Variants in RIMS2 observed in about 807,000 individuals in gnomAD.
The protein encoded by RIMS2 is regulating synaptic membrane exocytosis 2, also known as regulating synaptic membrane exocytosis protein 2.
RIMS2 carries 59 observed loss-of-function variants against 174.4 expected under a neutral mutation model. The ratio of observed to expected loss-of-function variants is 0.34; its 90% CI spans 0.27 to 0.42. The LOEUF (loss-of-function observed/expected upper bound fraction) is 0.42, where lower values mean the gene tolerates loss of function less well. Ranked by LOEUF, RIMS2 falls within the 10% of genes least tolerant of loss-of-function variation. The pLI, the probability that RIMS2 is intolerant of heterozygous loss-of-function variation, is 1.00. For missense variants in RIMS2, 1,620 were observed against 1,666.3 expected, an observed-to-expected ratio of 0.97 and a Z score of 0.48; for synonymous variants, 606 against 572.5, an observed-to-expected ratio of 1.06 and a Z score of -0.84.
rs536778017 is a variant in RIMS2, at chr8:103,852,827, C to A, written c.699-32471C>A. On this transcript the variant is annotated intron_variant, in intron 3 of 23. Coordinates refer to ENST00000504942, the Ensembl canonical transcript of RIMS2. ...TGTCATTGATAGGCAATGGTTGATTCTCTGTCTTTGCTCTTGTGAACAGCA... is the reference window on the plus strand; with the variant it reads ...TGTCATTGATAGGCAATGGTTGATTATCTGTCTTTGCTCTTGTGAACAGCA... Among the ~76,000 whole-genome samples, 6 of 152,084 alleles carry A rather than the reference C, an allele frequency of 3.9e-5. 1 individual carries two copies. Among genetic ancestry groups the A allele is most frequent in the African/African-American group, 1.4e-4 (6 of 41,496 alleles).
chr8:103,568,122 A>T (rs989303741), intron 1 of RIMS2, among the ~76,000 whole-genome samples: 23 of 152,006 alleles, frequency 1.5e-4, no homozygotes, highest in Non-Finnish European at 2.6e-4. Flanking sequence ...ATAAATAAAT[A>T]AAAGTAAATG....
chr8:103,512,833 A>G (rs1827196512), intron 1 of RIMS2, among the ~76,000 whole-genome samples: 1 of 152,190 alleles, frequency 6.6e-6, no homozygotes, highest in Non-Finnish European at 1.5e-5. Flanking sequence ...GAAAAATAGT[A>G]TCAACATACA....
intron 1 of RIMS2, among the ~76,000 whole-genome samples, chr8:103,610,072 C>A (rs1420835554): frequency 1.3e-5 from 2 of 152,082 alleles, no homozygotes; most frequent in Non-Finnish European, 2.9e-5. Context: ...TATTCCTAGG[C>A]ATTTTCTTCA....
chr8:104,037,131 TG>T (rs2096534037), intron 19 of RIMS2, among the ~76,000 whole-genome samples: 1 of 152,176 alleles, frequency 6.6e-6, no homozygotes, highest in African/African-American at 2.4e-5. Flanking sequence ...TGTTCTAGTT[TG>T]TCATCTGTAA....
intron 3 of RIMS2, among the ~76,000 whole-genome samples, chr8:103,856,032 G>C (rs2099025795): frequency 6.6e-6 from 1 of 152,060 alleles, no homozygotes; most frequent in Admixed American, 6.6e-5. Flanking sequence ...ATGAATCTGG[G>C]TGCTCCAAAA....
intron 1 of RIMS2, among the ~76,000 whole-genome samples, chr8:103,602,120 G>A (rs568795371): frequency 4.6e-5 from 7 of 152,062 alleles, no homozygotes; most frequent in South Asian, 2.1e-4. Flanking sequence ...TGAGTAGCTG[G>A]GACTACAGGT....
chr8:104,103,034 G>A (rs2097937496), intron 19 of RIMS2, among the ~76,000 whole-genome samples: 1 of 152,094 alleles, frequency 6.6e-6, no homozygotes, highest in South Asian at 2.1e-4. Context: ...TCCATACAAT[G>A]GAATATTATT....
intron 19 of RIMS2, among the ~76,000 whole-genome samples, chr8:104,086,234 TA>T (rs1249637526): frequency 1.3e-5 from 2 of 149,596 alleles, no homozygotes; most frequent in African/African-American, 4.9e-5. Flanking sequence ...ACTGGTAAAT[TA>T]GGATGTTATT....
chr8:103,750,264 A>C (rs1292859159), intron 2 of RIMS2, among the ~76,000 whole-genome samples: 1 of 152,162 alleles, frequency 6.6e-6, no homozygotes, highest in Non-Finnish European at 1.5e-5. Context: ...ATTCCCCATT[A>C]CAAAATGTGG....
exon 21 of RIMS2, chr8:104,248,734 T>G (rs771789805): frequency 6.2e-7 from 1 of 1,612,812 alleles, no homozygotes; most frequent in Non-Finnish European, 8.5e-7. Context: ...TGGCCTCTGA[T>G]AGCCAGTTCA....
chr8:103,879,547 A>G (rs1341633078), intron 3 of RIMS2, among the ~76,000 whole-genome samples: 1 of 151,472 alleles, frequency 6.6e-6, no homozygotes, highest in Non-Finnish European at 1.5e-5. Context: ...ACCAGTCTTT[A>G]TTAGAAATCT....
At chr8:104,010,477 T>C (rs2095721619) in intron 17 of RIMS2, among the ~76,000 whole-genome samples, 1 of 152,118 alleles carries the variant, frequency 6.6e-6, no homozygotes, top group South Asian at 2.1e-4. Flanking sequence ...AATAATGTGC[T>C]TTTAAGACTG....
chr8:103,822,253 A>T (rs893313850), intron 3 of RIMS2, among the ~76,000 whole-genome samples: 1 of 151,712 alleles, frequency 6.6e-6, no homozygotes, highest in Non-Finnish European at 1.5e-5. Flanking sequence ...CTTATCCCCA[A>T]ATCTGCAACT....
intron 3 of RIMS2, among the ~76,000 whole-genome samples, chr8:103,853,058 C>T (rs2099007952): frequency 6.6e-6 from 1 of 151,796 alleles, no homozygotes. Context: ...CACAGTCTCA[C>T]CAAAAAAATC....
intron 19 of RIMS2, among the ~76,000 whole-genome samples, chr8:104,195,849 T>C (rs1364263261): frequency 6.6e-6 from 1 of 152,138 alleles, no homozygotes. Flanking sequence ...CTGGGCCCAA[T>C]AATTAAATTG....
At chr8:104,053,136 A>G (rs1166097948) in intron 19 of RIMS2, among the ~76,000 whole-genome samples, 1 of 152,230 alleles carries the variant, frequency 6.6e-6, no homozygotes, top group East Asian at 1.9e-4. Flanking sequence ...TAGCTACAGC[A>G]ATCAATGATT....
intron 6 of RIMS2, 79 bp downstream of exon 9, chr8:103,912,251 C>A: frequency 9.2e-7 from 1 of 1,084,348 alleles, no homozygotes; most frequent in Non-Finnish European, 1.3e-6. Context: ...CTCTTTCAAC[C>A]TGTACCAATT....
intron 19 of RIMS2, among the ~76,000 whole-genome samples, chr8:104,238,437 C>A (rs531182810): frequency 3.6e-4 from 54 of 151,228 alleles, no homozygotes; most frequent in Non-Finnish European, 6.0e-4. Flanking sequence ...GTATGTTCTG[C>A]ACATGTATCC....
chr8:104,115,685 T>G (rs73299405), intron 19 of RIMS2, among the ~76,000 whole-genome samples: 6,910 of 152,140 alleles, frequency 0.045, 388 homozygotes, highest in East Asian at 0.15. Context: ...GAACTCAAAC[T>G]TAAAGACCTA....
Sources: allele counts gnomAD v4.1 joint callset (sites outside exome capture counted in the v4.1 genomes callset), GRCh38; gene constraint gnomAD v4.1.1; transcripts MANE v1.5; gene names NCBI Gene and HGNC (gene_info 2026-07-23, HGNC 2026-07-21).